Variants in TMEM131L observed in about 807,000 individuals in gnomAD.
TMEM131L encodes the protein transmembrane protein 131-like.
In TMEM131L, 54 loss-of-function variants were observed where a neutral mutation model predicts 192.2. That is an observed-to-expected ratio of 0.28 (90% CI 0.23 to 0.35). The LOEUF is 0.35. Ranked by LOEUF, TMEM131L falls within the 10% of genes least tolerant of loss-of-function variation. TMEM131L has a pLI of 1.00. For missense variants in TMEM131L, 1,888 were observed against 1,972.9 expected (o/e 0.96, Z 0.82); for synonymous variants, 701 against 704.9 (o/e 0.99, Z 0.09).
At chr4:153,601,625 A>C (rs373532285) in intron 21 of TMEM131L, among the ~76,000 whole-genome samples, 1 of 152,204 alleles carries the variant, frequency 6.6e-6, no homozygotes, top group Non-Finnish European at 1.5e-5. Context: ...AAATTGTCAT[A>C]ATCTTTCTTT....
chr4:153,632,780 T>C lies in TMEM131L; in HGVS notation c.4270T>C (p.Cys1424Arg). Residue 1424 changes from cysteine (C) to arginine (R), a missense_variant, in exon 32 of 35, where the codon TGC (cysteine) becomes CGC (arginine). Cys to Arg is a radical substitution (Grantham distance 180). Coordinates refer to ENST00000409959, the MANE Select transcript of TMEM131L (RefSeq NM_001131007.2). ...PPVCVTSSLN[C>R]TLENGVPCVI... ...AGTGTGTGTGACAAGCAGCTTAAAC[T>C]GCACCCTGGAGAACGGCGTGCCTTG... 6.2e-7 allele frequency: 1 copy of C among 1,614,126 alleles called. No individual in the cohort carries two copies. Among genetic ancestry groups the C allele is most frequent in the Non-Finnish European group, 8.5e-7 (1 of 1,179,998 alleles).
chr4:153,522,345 G>T (rs1004898283), intron 3 of TMEM131L, among the ~76,000 whole-genome samples: 7 of 152,158 alleles, frequency 4.6e-5, no homozygotes, highest in Admixed American at 3.9e-4. Flanking sequence ...CTTCCATTGT[G>T]TGCAGATAAT....
intron 3 of TMEM131L, among the ~76,000 whole-genome samples, chr4:153,499,639 AT>A (rs1009221570): frequency 1.3e-5 from 2 of 152,054 alleles, no homozygotes; most frequent in African/African-American, 4.8e-5. Context: ...GTTGGCCAGG[AT>A]GGTCTCAATC....
intron 26 of TMEM131L, among the ~76,000 whole-genome samples, chr4:153,618,507 A>C (rs1733157436): frequency 6.6e-6 from 1 of 151,238 alleles, no homozygotes; most frequent in South Asian, 2.1e-4. Flanking sequence ...CACCAAAAAA[A>C]CCTCCAAATA....
At chr4:153,543,629 G>A (rs901009144) in intron 3 of TMEM131L, among the ~76,000 whole-genome samples, 16 of 152,152 alleles carry the variant, frequency 1.1e-4, no homozygotes, top group African/African-American at 3.6e-4. Context: ...TGCAGGGATC[G>A]ATTTGAAGTC....
At chr4:153,581,707 C>A (rs1730352713) in intron 9 of TMEM131L, 147 bp downstream of exon 9, 1 of 467,898 alleles carries the variant, frequency 2.1e-6, no homozygotes, top group Admixed American at 4.3e-5. Context: ...AACTGGTTCT[C>A]AACCTACAAC....
chr4:153,509,884 C>T (rs1177724657), intron 3 of TMEM131L, among the ~76,000 whole-genome samples: 3 of 152,122 alleles, frequency 2.0e-5, no homozygotes, highest in South Asian at 2.1e-4. Flanking sequence ...GAAATCGCTG[C>T]GTCGGGATTG....
chr4:153,537,169 A>T (rs1482725936), intron 3 of TMEM131L, among the ~76,000 whole-genome samples: 2 of 152,184 alleles, frequency 1.3e-5, no homozygotes, highest in South Asian at 2.1e-4. Flanking sequence ...GTCTTACCTT[A>T]ATTTTATAAT....
At chr4:153,629,554 T>C (rs761462907) in intron 31 of TMEM131L, among the ~76,000 whole-genome samples, 11 of 152,360 alleles carry the variant, frequency 7.2e-5, no homozygotes, top group Middle Eastern at 3.4e-3. Context: ...TCTGTTTCTC[T>C]GCCCCTGTCA....
At chr4:153,583,543 G>C (rs1195243166) in intron 10 of TMEM131L, 21 bp from the exon 11 acceptor site, 1 of 1,503,484 alleles carries the variant, frequency 6.7e-7, no homozygotes, top group Non-Finnish European at 9.3e-7. Context: ...GTAGTCACAT[G>C]GGACTTTTCT....
intron 3 of TMEM131L, among the ~76,000 whole-genome samples, chr4:153,530,683 AT>A (rs138237499): frequency 0.019 from 2,950 of 152,272 alleles, 69 homozygotes; most frequent in African/African-American, 0.06. Flanking sequence ...AAAGTGAGTG[AT>A]TTCGTCCCAC....
At chr4:153,481,191 C>T (rs535756257) in intron 3 of TMEM131L, among the ~76,000 whole-genome samples, 78 of 152,262 alleles carry the variant, frequency 5.1e-4, no homozygotes, top group African/African-American at 1.8e-3. Context: ...CATCTCCCTC[C>T]ATCCTGCTTT....
Position 153,592,569 on chromosome 4 carries a change from A to G in TMEM131L, c.1907A>G (p.His636Arg), listed in dbSNP as rs781588422. Reference protein sequence around the residue: ...SLYPKPEALVHLLHRWFGTDM... With the variant: ...SLYPKPEALVRLLHRWFGTDM... ...TACCCTAAACCCGAAGCCCTAGTGC[A>G]CCTGCTCCACAGATGGTATGAAGAC... The change falls in exon 18 of 35, where the codon CAC (histidine) becomes CGC (arginine). Residue 636 changes from histidine (H) to arginine (R), a missense_variant. His to Arg is a conservative substitution (Grantham distance 29, BLOSUM62 0). Coordinates refer to ENST00000409959, the MANE Select transcript of TMEM131L (RefSeq NM_001131007.2). 6.2e-7 allele frequency: 1 copy of G among 1,612,534 alleles called. No homozygotes were observed. The highest frequency in any genetic ancestry group is 8.5e-7 in the Non-Finnish European group (1 of 1,178,666).
intron 3 of TMEM131L, among the ~76,000 whole-genome samples, chr4:153,519,558 T>C (rs774925260): frequency 5.3e-5 from 8 of 152,172 alleles, no homozygotes; most frequent in Non-Finnish European, 8.8e-5. Context: ...CCATCACATA[T>C]AGAATGTGGA....
intron 3 of TMEM131L, among the ~76,000 whole-genome samples, chr4:153,530,960 A>G (rs1327580246): frequency 6.6e-6 from 1 of 152,140 alleles, no homozygotes; most frequent in Non-Finnish European, 1.5e-5. Context: ...AATTCTCTAT[A>G]TTAAATCCCT....
At chr4:153,561,638 G>A (rs555419050) in intron 7 of TMEM131L, among the ~76,000 whole-genome samples, 2 of 152,140 alleles carry the variant, frequency 1.3e-5, no homozygotes, top group African/African-American at 2.4e-5. Context: ...ACATTGAATT[G>A]TCTTGGTATC....
Position 153,588,919 on chromosome 4 carries a change from C to G in TMEM131L, c.1582C>G (p.Leu528Val). 1 of 1,599,374 alleles carries G rather than the reference C, an allele frequency of 6.3e-7. No homozygotes were observed. Among genetic ancestry groups the G allele is most frequent in the Non-Finnish European group, 8.6e-7 (1 of 1,166,610 alleles). ...TCCTAATTGGAATGGGAGCCTTTCTCTGGATCAATCTACCTGGAATGTGGA... is the reference window on the plus strand; with the variant it reads ...TCCTAATTGGAATGGGAGCCTTTCTGTGGATCAATCTACCTGGAATGTGGA... ...GNPNWNGSLS[L>V]DQSTWNVDSE... The change falls in exon 16 of 35, where the codon CTG becomes GTG. Residue 528 changes from leucine (L) to valine (V), a missense_variant. By Grantham distance (32) the Leu-to-Val change is conservative. Transcript: ENST00000409959.
At chr4:153,612,468 G>A in intron 26 of TMEM131L, 68 bp downstream of exon 26, 4 of 1,202,524 alleles carry the variant, frequency 3.3e-6, no homozygotes, top group South Asian at 3.1e-5. Context: ...AAGTGAATAT[G>A]TGTATTTCAT....
At chr4:153,548,995 T>C (rs942646602) in intron 3 of TMEM131L, among the ~76,000 whole-genome samples, 1 of 152,150 alleles carries the variant, frequency 6.6e-6, no homozygotes, top group African/African-American at 2.4e-5. Flanking sequence ...AAAATGGTCT[T>C]GCTCTGTCGC....
Sources: gnomAD v4.1 joint callset for allele counts (sites outside exome capture counted in the v4.1 genomes callset) on GRCh38, gnomAD v4.1.1 for gene constraint, MANE v1.5 for transcripts, NCBI Gene and HGNC (gene_info 2026-07-23, HGNC 2026-07-21) for gene names.